The following KDM5A variants were observed in gnomAD, a reference collection of about 807,000 sequenced individuals.
KDM5A encodes the protein lysine-specific demethylase 5A.
Under a neutral mutation model 193.5 loss-of-function variants are expected in KDM5A, and 42 were observed. The ratio of observed to expected loss-of-function variants is 0.22; its 90% CI spans 0.17 to 0.28. KDM5A has a LOEUF of 0.28. KDM5A is among the 10% of genes least tolerant of loss of function. The pLI is 1.00. For missense variants in KDM5A, 1,692 were observed against 2,055.1 expected (o/e 0.82, Z 3.42); for synonymous variants, 796 against 718.1 (o/e 1.11, Z -1.73).
chr12:364,541 T>G (rs1944330118), intron 4 of KDM5A, among the ~76,000 whole-genome samples: 1 of 150,770 alleles, frequency 6.6e-6, no homozygotes. Flanking sequence ...ATCCCAGCAC[T>G]TTGGGAGGCC....
intron 22 of KDM5A, among the ~76,000 whole-genome samples, chr12:308,840 G>A (rs56225049): frequency 0.013 from 1,907 of 152,208 alleles, 32 homozygotes; most frequent in South Asian, 0.037. Flanking sequence ...GTCCAGATTC[G>A]TATTTATTTT....
intron 27 of KDM5A, among the ~76,000 whole-genome samples, chr12:288,907 C>T (rs1943253428): frequency 6.6e-6 from 1 of 152,224 alleles, no homozygotes; most frequent in African/African-American, 2.4e-5. Context: ...TCTAGCTCAA[C>T]ATCATGCGCG....
At chr12:381,013 C>T (rs1024614883) in intron 3 of KDM5A, among the ~76,000 whole-genome samples, 2 of 149,424 alleles carry the variant, frequency 1.3e-5, no homozygotes, top group African/African-American at 4.9e-5. Flanking sequence ...TTTTTTTAGA[C>T]GGAGTTGTGC....
intron 3 of KDM5A, among the ~76,000 whole-genome samples, chr12:382,017 C>T (rs1012925386): frequency 2.0e-5 from 3 of 152,072 alleles, no homozygotes; most frequent in Non-Finnish European, 4.4e-5. Context: ...CACTATGTTG[C>T]CTAGCCTGGT....
intron 24 of KDM5A, among the ~76,000 whole-genome samples, chr12:300,665 A>G (rs893046501): frequency 7.9e-5 from 12 of 152,236 alleles, no homozygotes; most frequent in African/African-American, 2.9e-4. Flanking sequence ...GCAGAAGGCA[A>G]GAAATAACTA....
At chr12:308,163 G>C (rs1307737027) in intron 22 of KDM5A, among the ~76,000 whole-genome samples, 158 bp from the exon 23 acceptor site, 1 of 152,166 alleles carries the variant, frequency 6.6e-6, no homozygotes, top group South Asian at 2.1e-4. Flanking sequence ...CATTCCTCAA[G>C]TGTGAAATGG....
chr12:296,920 T>C (rs1943380494), intron 25 of KDM5A, 121 bp downstream of exon 25: 1 of 1,003,894 alleles, frequency 1.0e-6, no homozygotes. Flanking sequence ...CAGGTTCCAT[T>C]AGTATTTCAT....
At chr12:381,518 A>AAAATTTC (rs1260981173) in intron 3 of KDM5A, among the ~76,000 whole-genome samples, 6 of 152,208 alleles carry the variant, frequency 3.9e-5, no homozygotes, top group Non-Finnish European at 8.8e-5. Context: ...TGATTGAATA[A>AAAATTTC]AAATTTCAAA....
At chr12:353,320 G>A (rs1944186369) in intron 8 of KDM5A, among the ~76,000 whole-genome samples, 2 of 152,218 alleles carry the variant, frequency 1.3e-5, no homozygotes, top group South Asian at 4.2e-4. Context: ...AGAGGCTGTA[G>A]ACCGTCTCAA....
intron 10 of KDM5A, among the ~76,000 whole-genome samples, chr12:341,431 ATTATCCTAACTTTG>A (rs1421530955): frequency 1.3e-5 from 2 of 152,114 alleles, no homozygotes; most frequent in African/African-American, 2.4e-5. Flanking sequence ...TCTAATCAAT[ATTATCCTAACTTTG>A]TTATCCTAAC....
chr12:290,359 G>A (rs753573616), intron 27 of KDM5A, among the ~76,000 whole-genome samples: 2 of 152,044 alleles, frequency 1.3e-5, no homozygotes, highest in African/African-American at 2.4e-5. Context: ...AACGAAACAC[G>A]TTATAGAAAT....
At chr12:310,562 A>T (rs1252210629) in intron 21 of KDM5A, among the ~76,000 whole-genome samples, 1 of 152,164 alleles carries the variant, frequency 6.6e-6, no homozygotes, top group East Asian at 1.9e-4. Flanking sequence ...TGAGCCCAGG[A>T]GGCGACAGCT....
intron 19 of KDM5A, among the ~76,000 whole-genome samples, chr12:317,625 G>T (rs1315297596): frequency 6.6e-6 from 1 of 152,192 alleles, no homozygotes; most frequent in African/African-American, 2.4e-5. Context: ...ACTGGCCAGG[G>T]AAGGCACAAA....
chr12:300,596 C>T (rs1943429853), intron 24 of KDM5A, among the ~76,000 whole-genome samples: 1 of 152,148 alleles, frequency 6.6e-6, no homozygotes, highest in African/African-American at 2.4e-5. Flanking sequence ...CTAAAATCGA[C>T]ATCCTAACAT....
intron 3 of KDM5A, among the ~76,000 whole-genome samples, chr12:383,406 AG>A (rs1944599521): frequency 6.6e-6 from 1 of 151,962 alleles, no homozygotes; most frequent in East Asian, 1.9e-4. Flanking sequence ...TAGTAGACAT[AG>A]GGTTTCACCA....
chr12:318,988 G>C (rs947942847), intron 18 of KDM5A, among the ~76,000 whole-genome samples: 1 of 152,224 alleles, frequency 6.6e-6, no homozygotes, highest in African/African-American at 2.4e-5. Flanking sequence ...AGGAAGAACG[G>C]TTCGGGCAGG....
chr12:304,713 C>A (rs1264467197), intron 24 of KDM5A, among the ~76,000 whole-genome samples: 1 of 152,112 alleles, frequency 6.6e-6, no homozygotes, highest in Admixed American at 6.6e-5. Flanking sequence ...ACTACTCCAT[C>A]CAACCATATG....
chr12:325,821 C>T lies in KDM5A; in HGVS notation c.1969-2040G>A, dbSNP rs140804852. ...CTGAGGTCAGGAGTTCGAGATTAGC[C>T]CGGCTAACATGGTGAAACCCTGTCT... On this transcript the variant is annotated intron_variant, in intron 14 of 27. Coordinates refer to ENST00000399788, the MANE Select transcript of KDM5A (RefSeq NM_001042603.3). Among the ~76,000 whole-genome samples the T allele has an allele frequency of 6.6e-3, 1,005 of 152,150 alleles. 5 individuals are homozygous for T. Among genetic ancestry groups the T allele is most frequent in the Admixed American group, 8.6e-3 (131 of 15,292 alleles).
At chr12:388,246 T>C (rs979194471) in intron 1 of KDM5A, 6 of 455,444 alleles carry the variant, frequency 1.3e-5, no homozygotes, top group Admixed American at 2.4e-5. Flanking sequence ...AAAGGTGAGA[T>C]TATAATTAAC....
Sources: allele counts gnomAD v4.1 joint callset (sites outside exome capture counted in the v4.1 genomes callset), GRCh38; gene constraint gnomAD v4.1.1; transcripts MANE v1.5; gene names NCBI Gene and HGNC (gene_info 2026-07-23, HGNC 2026-07-21).